The following SAMMSON variants were observed in gnomAD, a reference collection of about 807,000 sequenced individuals.
SAMMSON encodes the protein long intergenic non-protein coding RNA 1212.
intron 4 of SAMMSON, among the ~76,000 whole-genome samples, chr3:70,181,799 G>A (rs1165254627): frequency 6.6e-6 from 1 of 152,150 alleles, no homozygotes; most frequent in East Asian, 1.9e-4. Flanking sequence ...CATTTTGGGT[G>A]TTCTTCCTTT....
intron 3 of SAMMSON, among the ~76,000 whole-genome samples, chr3:70,047,020 C>T (rs939727075): frequency 2.6e-5 from 4 of 152,188 alleles, no homozygotes; most frequent in South Asian, 2.1e-4. Context: ...GTTACACCTG[C>T]GAATTCCCTT....
At chr3:70,124,386 C>T (rs902802040) in intron 4 of SAMMSON, among the ~76,000 whole-genome samples, 4 of 152,096 alleles carry the variant, frequency 2.6e-5, no homozygotes, top group Non-Finnish European at 4.4e-5. Flanking sequence ...GGGAGAAATG[C>T]GTATTTTTAA....
intron 9 of SAMMSON, among the ~76,000 whole-genome samples, chr3:70,368,272 A>G (rs529722763): frequency 2.5e-3 from 381 of 151,664 alleles, no homozygotes; most frequent in African/African-American, 8.8e-3. Flanking sequence ...TATTAGAATG[A>G]TATTTGTGAA....
At chr3:70,039,453 A>G (rs1489191246) in intron 3 of SAMMSON, among the ~76,000 whole-genome samples, 2 of 151,988 alleles carry the variant, frequency 1.3e-5, no homozygotes, top group East Asian at 3.9e-4. Context: ...GCAAGAGGGA[A>G]TTCTCCTACA....
intron 4 of SAMMSON, among the ~76,000 whole-genome samples, chr3:70,211,661 CCCTTTCCCTTCCCTTT>C (rs1701351160): frequency 8.7e-6 from 1 of 114,630 alleles, no homozygotes; most frequent in Admixed American, 8.9e-5. Context: ...CCCTTCCCTT[CCCTTTCCCTTCCCTTT>C]CCTTCCTTTC....
chr3:70,206,727 G>C (rs924163408), intron 4 of SAMMSON: 3 of 397,686 alleles, frequency 7.5e-6, no homozygotes, highest in African/African-American at 4.1e-5. Flanking sequence ...GTCAGATACT[G>C]AATTTATAAC....
At chr3:70,373,870 A>G (rs948915746) in intron 9 of SAMMSON, among the ~76,000 whole-genome samples, 1 of 152,138 alleles carries the variant, frequency 6.6e-6, no homozygotes, top group African/African-American at 2.4e-5. Context: ...TGTTTTAAGT[A>G]TGTACATAAC....
At chr3:70,250,251 C>A (rs918248782) in intron 6 of SAMMSON, among the ~76,000 whole-genome samples, 1 of 152,116 alleles carries the variant, frequency 6.6e-6, no homozygotes, top group African/African-American at 2.4e-5. Context: ...TGCTGAAGCA[C>A]CAAATCTCTC....
intron 4 of SAMMSON, among the ~76,000 whole-genome samples, chr3:70,097,042 C>T (rs947239823): frequency 6.6e-6 from 1 of 152,202 alleles, no homozygotes; most frequent in South Asian, 2.1e-4. Flanking sequence ...TTGCAGATCA[C>T]ATATAAGCCT....
At chr3:70,128,988 A>G (rs550815155) in intron 4 of SAMMSON, among the ~76,000 whole-genome samples, 3 of 152,326 alleles carry the variant, frequency 2.0e-5, no homozygotes, top group Admixed American at 6.5e-5. Context: ...AAACTGCCTT[A>G]TAAGGTTTAT....
At chr3:70,063,026 A>G (rs2067196072) in intron 3 of SAMMSON, among the ~76,000 whole-genome samples, 1 of 151,972 alleles carries the variant, frequency 6.6e-6, no homozygotes. Context: ...AAACTGAAGC[A>G]CTTGGGAAGT....
At chr3:70,284,366 CAT>C (rs1328704489) in intron 6 of SAMMSON, among the ~76,000 whole-genome samples, 1 of 152,054 alleles carries the variant, frequency 6.6e-6, no homozygotes, top group Non-Finnish European at 1.5e-5. Flanking sequence ...TTTGAGTTTT[CAT>C]ATGTTTCCAG....
At chr3:70,046,438 A>G (rs1256360888) in intron 3 of SAMMSON, among the ~76,000 whole-genome samples, 3 of 152,120 alleles carry the variant, frequency 2.0e-5, no homozygotes, top group East Asian at 1.9e-4. Context: ...GCAATGCGGT[A>G]CATGTAATGG....
chr3:70,246,445 G>T (rs552442707), intron 4 of SAMMSON, among the ~76,000 whole-genome samples: 1 of 152,056 alleles, frequency 6.6e-6, no homozygotes, highest in Non-Finnish European at 1.5e-5. Context: ...AAACAACATA[G>T]AGTGAACTCA....
intron 4 of SAMMSON, among the ~76,000 whole-genome samples, chr3:70,134,630 A>G (rs1401450216): frequency 1.3e-5 from 2 of 152,206 alleles, no homozygotes; most frequent in African/African-American, 4.8e-5. Context: ...CTTTAAATGT[A>G]TATATTACAG....
At chr3:70,352,062 G>A (rs1272130101) in intron 7 of SAMMSON, among the ~76,000 whole-genome samples, 1 of 151,212 alleles carries the variant, frequency 6.6e-6, no homozygotes, top group Non-Finnish European at 1.5e-5. Context: ...AAAGATAGCA[G>A]GGCTGAAAAA....
At chr3:70,291,249 T>G (rs928915349) in intron 7 of SAMMSON, 3 of 152,100 alleles carry the variant, frequency 2.0e-5, no homozygotes, top group Non-Finnish European at 4.4e-5. Context: ...CTCAGGTAAG[T>G]TACATTATCT....
chr3:70,276,922 G>C (rs1702032750), intron 6 of SAMMSON, among the ~76,000 whole-genome samples: 1 of 152,002 alleles, frequency 6.6e-6, no homozygotes, highest in African/African-American at 2.4e-5. Flanking sequence ...TAATCAGTGA[G>C]AAATCCTCAC....
At chr3:70,080,929 C>T (rs977216230) in intron 4 of SAMMSON, among the ~76,000 whole-genome samples, 2 of 152,156 alleles carry the variant, frequency 1.3e-5, no homozygotes, top group African/African-American at 2.4e-5. Flanking sequence ...CTATAGTTCA[C>T]TCCATGTGCA....
Sources: allele counts gnomAD v4.1 joint callset (sites outside exome capture counted in the v4.1 genomes callset), GRCh38; gene constraint gnomAD v4.1.1; transcripts MANE v1.5; gene names NCBI Gene and HGNC (gene_info 2026-07-23, HGNC 2026-07-21).